Variants in CELF2 observed in about 807,000 individuals in gnomAD.
The protein encoded by CELF2 is CUGBP Elav-like family member 2, also known as CUG triplet repeat RNA-binding protein 2.
CELF2 carries 8 observed loss-of-function variants against 62.6 expected under a neutral mutation model. That is an observed-to-expected ratio of 0.13 (90% CI 0.07 to 0.23). CELF2 has a LOEUF of 0.23. Ranked by LOEUF, CELF2 falls within the 10% of genes least tolerant of loss-of-function variation. CELF2 has a pLI of 1.00. For missense variants in CELF2, 333 were observed against 671.0 expected, an observed-to-expected ratio of 0.50 and a Z score of 5.56; for synonymous variants, 258 against 250.0, an observed-to-expected ratio of 1.03 and a Z score of -0.30.
the CELF2 span, among the ~76,000 whole-genome samples, chr10:10,596,256 T>TA: frequency 0.011 from 1,666 of 147,000 alleles, 15 homozygotes; most frequent in African/African-American, 0.033. Flanking sequence ...CTTCTACCTG[T>TA]AAAAAAAAAA....
intron 1 of CELF2, among the ~76,000 whole-genome samples, chr10:10,835,895 G>A (rs370338908): frequency 1.3e-3 from 201 of 152,288 alleles, no homozygotes; most frequent in African/African-American, 4.5e-3. Context: ...GGGCAGAATC[G>A]AGGCTGACTT....
chr10:10,756,483 A>G, the CELF2 span, among the ~76,000 whole-genome samples: 7 of 152,220 alleles, frequency 4.6e-5, no homozygotes, highest in African/African-American at 7.2e-5. Flanking sequence ...ATAAAACTGC[A>G]TTAAATGTTA....
intron 1 of CELF2, among the ~76,000 whole-genome samples, chr10:10,818,463 C>T (rs1173606613): frequency 6.6e-6 from 1 of 151,960 alleles, no homozygotes; most frequent in Non-Finnish European, 1.5e-5. Context: ...CTTACAGAAG[C>T]TGATAAGGAA....
rs896430715 is a variant in CELF2, at chr10:11,224,695, A to G, written c.354+7188A>G. Among the ~76,000 whole-genome samples the G allele has an allele frequency of 2.3e-4, 35 of 152,222 alleles. No individual in the cohort carries two copies. Among genetic ancestry groups the G allele is most frequent in the African/African-American group, 8.4e-4 (35 of 41,458 alleles). ...ATGAGAACTCATCTCTGAGAATATC[A>G]TATCTGGCTGGACAGATCTTTAATC... On this transcript the variant is annotated intron_variant, in intron 3 of 12. Transcript: ENST00000633077. This position sits in a 1 kb window ranked among gnomAD's most constrained non-coding sequence, Gnocchi z 4.5.
rs1045823167 is a variant in CELF2, at chr10:11,255,224, G to A, written c.404-2514G>A. 2.0e-5 allele frequency among the ~76,000 whole-genome samples: 3 copies of A among 152,222 alleles called. No homozygotes were observed. Among genetic ancestry groups the A allele is most frequent in the Non-Finnish European group, 4.4e-5 (3 of 68,038 alleles). On this transcript the variant is annotated intron_variant, in intron 4 of 12. Transcript: ENST00000633077. This position sits in a 1 kb window ranked among gnomAD's most constrained non-coding sequence, Gnocchi z 5.5. ...GAAGTTTTCCGTCAGCGTACAGGAG[G>A]TCAGGTCCTCAGCAGTCTCCCTCCC...
At chr10:10,563,405 G>A in the CELF2 span, among the ~76,000 whole-genome samples, 1 of 152,068 alleles carries the variant, frequency 6.6e-6, no homozygotes, top group Non-Finnish European at 1.5e-5. Flanking sequence ...GAGGTCAGGA[G>A]CTCAAGACCA....
At chr10:11,197,619 T>C (rs1054744758) in intron 2 of CELF2, among the ~76,000 whole-genome samples, 2 of 152,276 alleles carry the variant, frequency 1.3e-5, no homozygotes, top group Non-Finnish European at 2.9e-5. Flanking sequence ...TAACACAGGC[T>C]GTCCTTTGGG....
intron 3 of CELF2, among the ~76,000 whole-genome samples, chr10:11,236,342 A>G (rs1201972180): frequency 6.6e-6 from 1 of 152,236 alleles, no homozygotes; most frequent in Admixed American, 6.5e-5. Context: ...CTTAAAGTTC[A>G]AAGGAAACTA....
chr10:10,634,186 G>A, the CELF2 span, among the ~76,000 whole-genome samples: 1 of 151,898 alleles, frequency 6.6e-6, no homozygotes, highest in African/African-American at 2.4e-5. Context: ...TTCTATCCAT[G>A]AACATAGTAC....
the CELF2 span, among the ~76,000 whole-genome samples, chr10:10,736,042 T>C: frequency 1.3e-5 from 2 of 152,228 alleles, no homozygotes; most frequent in Admixed American, 1.3e-4. Context: ...TCTTCCCATC[T>C]TTAAAATAAG....
the CELF2 span, among the ~76,000 whole-genome samples, chr10:10,471,968 A>C: frequency 6.6e-6 from 1 of 151,868 alleles, no homozygotes; most frequent in African/African-American, 2.4e-5. Context: ...TTAGTAGTCA[A>C]TCAAAGCCTT....
Position 11,217,636 on chromosome 10 carries a change from C to G in CELF2, c.354+129C>G, listed in dbSNP as rs2063674583. On this transcript the variant is annotated intron_variant, in intron 3 of 12. Coordinates refer to ENST00000633077, the MANE Select transcript of CELF2 (RefSeq NM_001326342.2). The surrounding 1 kb of genome is among the most constrained non-coding windows in gnomAD (Gnocchi z 5.6). ...TCTTTTGAGGAGTGTGTGCTGACCC[C>G]CCAGTTCCCTGCAGCAGCCACACCA... The G allele has an allele frequency of 1.7e-6, 1 of 593,976 alleles. No homozygotes were observed. The highest frequency in any genetic ancestry group is 3.1e-5 in the East Asian group (1 of 32,488). The allele number at this position is 593,976 out of a possible 1,614,324, so 36.8% of individuals were successfully genotyped here.
the CELF2 span, among the ~76,000 whole-genome samples, chr10:10,560,385 G>C: frequency 6.6e-6 from 1 of 152,058 alleles, no homozygotes; most frequent in African/African-American, 2.4e-5. Flanking sequence ...TATTACTAAC[G>C]GATTACCAAC....
chr10:11,047,565 G>A (rs1390955654), intron 1 of CELF2, among the ~76,000 whole-genome samples: 6 of 152,100 alleles, frequency 3.9e-5, no homozygotes, highest in Admixed American at 6.5e-5. Context: ...AAATCCCTAC[G>A]TTATAGCATC....
chr10:11,087,783 A>G (rs2047219513), intron 1 of CELF2, among the ~76,000 whole-genome samples: 1 of 152,196 alleles, frequency 6.6e-6, no homozygotes, highest in Non-Finnish European at 1.5e-5. Flanking sequence ...CCTCTTCTCC[A>G]GGCACCTAAA....
rs2938016 is a variant in CELF2 at position 11,315,304 on chromosome 10, G to A, written c.1096+1046G>A. On this transcript the variant is annotated intron_variant, in intron 10 of 12. Transcript: ENST00000633077. This position sits in a 1 kb window ranked among gnomAD's most constrained non-coding sequence, Gnocchi z 5.8. ...AGCTACCATGCAGCCCAGGCACCCC[G>A]GCACCTGCCCATTCTCATTTTTAAT... Among the ~76,000 whole-genome samples, 34,561 of 151,990 alleles carry A rather than the reference G, an allele frequency of 0.23. 4,700 individuals carry two copies. The highest frequency in any genetic ancestry group is 0.42 in the East Asian group (2,190 of 5,168).
chr10:10,811,467 C>T (rs1021794670), intron 1 of CELF2, among the ~76,000 whole-genome samples: 2 of 152,128 alleles, frequency 1.3e-5, no homozygotes, highest in African/African-American at 4.8e-5. Context: ...GGACTCAGTT[C>T]TCCCACAGAG....
chr10:11,175,781 G>C (rs1364996981), intron 2 of CELF2, among the ~76,000 whole-genome samples: 1 of 152,216 alleles, frequency 6.6e-6, no homozygotes, highest in Non-Finnish European at 1.5e-5. Flanking sequence ...AGCTGACACA[G>C]TGTTTACCAA....
At chr10:10,492,343 G>A in the CELF2 span, among the ~76,000 whole-genome samples, 1 of 152,172 alleles carries the variant, frequency 6.6e-6, no homozygotes, top group Non-Finnish European at 1.5e-5. Flanking sequence ...GATAGCAATA[G>A]GAGATATACC....
Sources: allele counts gnomAD v4.1 joint callset (sites outside exome capture counted in the v4.1 genomes callset), GRCh38; gene constraint gnomAD v4.1.1; non-coding constraint Gnocchi (gnomAD v3.1); transcripts MANE v1.5; gene names NCBI Gene and HGNC (gene_info 2026-07-23, HGNC 2026-07-21).